The following FAM178B variants were observed in gnomAD, a reference collection of about 807,000 sequenced individuals.
FAM178B encodes protein FAM178B.
FAM178B carries 82 observed loss-of-function variants against 91.7 expected under a neutral mutation model. That is an observed-to-expected ratio of 0.89 (90% CI 0.75 to 1.07). The LOEUF is 1.07. Ranked by LOEUF, FAM178B falls within the 50% of genes least tolerant of loss-of-function variation. FAM178B has a pLI of 0.00. For missense variants in FAM178B, 769 were observed against 846.7 expected (o/e 0.91, Z 1.14); for synonymous variants, 368 against 359.4 (o/e 1.02, Z -0.27).
chr2:96,916,688 T>C (rs2153370464), intron 12 of FAM178B, among the ~76,000 whole-genome samples: 1 of 152,322 alleles, frequency 6.6e-6, no homozygotes, highest in South Asian at 2.1e-4. Flanking sequence ...TCTGCCTTAG[T>C]ATTCACTTTC....
In FAM178B at chr2:96,978,975, T is replaced by TCTTTTTTTTTTTTTTTTTTTTTTTA. The variant is rs70964893; in HGVS notation, c.74-6370_74-6369insTAAAAAAAAAAAAAAAAAAAAAAAG. Among the ~76,000 whole-genome samples the TCTTTTTTTTTTTTTTTTTTTTTTTA allele has an allele frequency of 2.2e-5, 2 of 91,400 alleles. 1 individual carries two copies. The highest frequency in any genetic ancestry group is 3.4e-5 in the Non-Finnish European group (2 of 59,166). The allele number at this position is 91,400 out of a possible 152,430, so 60.0% of individuals were successfully genotyped here. A position where few individuals can be genotyped will look rare whatever the true frequency, so the allele number is the denominator to read the frequency against. ...TAGTATTCTATGGTGTATGTATCAC[T>TCTTTTTTTTTTTTTTTTTTTTTTTA]TTTTTTTTTTTTTTTTTTTTGAAAC... is the stretch of plus-strand genomic sequence containing the variant. On this transcript the variant is annotated intron_variant, in intron 1 of 16. Transcript: ENST00000490605.
intron 13 of FAM178B, among the ~76,000 whole-genome samples, chr2:96,899,221 C>A (rs1170788255): frequency 6.6e-6 from 1 of 152,202 alleles, no homozygotes; most frequent in Non-Finnish European, 1.5e-5. Flanking sequence ...TTTTGCAGTA[C>A]AAGCACTGAC....
intron 12 of FAM178B, among the ~76,000 whole-genome samples, chr2:96,907,266 G>A (rs888972568): frequency 4.6e-5 from 7 of 152,136 alleles, no homozygotes; most frequent in African/African-American, 9.7e-5. Context: ...GGGGCGGGGC[G>A]AGACCATTTT....
At chr2:96,981,437 T>C (rs949694048) in intron 1 of FAM178B, among the ~76,000 whole-genome samples, 5 of 152,196 alleles carry the variant, frequency 3.3e-5, no homozygotes, top group African/African-American at 1.2e-4. Context: ...TTAACTTTAA[T>C]GTAGCCCAAT....
chr2:96,888,518 C>A (rs1478472994), intron 14 of FAM178B, among the ~76,000 whole-genome samples: 1 of 152,228 alleles, frequency 6.6e-6, no homozygotes, highest in African/African-American at 2.4e-5. Context: ...AGGGCAGAGG[C>A]AAGCACACAG....
At chr2:96,914,782 C>T (rs1236523984) in intron 12 of FAM178B, among the ~76,000 whole-genome samples, 2 of 151,854 alleles carry the variant, frequency 1.3e-5, no homozygotes, top group South Asian at 4.2e-4. Context: ...CCCAGCTACT[C>T]GGGAGGCTGA....
intron 12 of FAM178B, among the ~76,000 whole-genome samples, chr2:96,907,228 C>T (rs2081073714): frequency 6.6e-6 from 1 of 152,164 alleles, no homozygotes; most frequent in Admixed American, 6.5e-5. Context: ...TTCTTAGTTC[C>T]CACTGGGACA....
intron 8 of FAM178B, among the ~76,000 whole-genome samples, chr2:96,935,185 CA>C (rs2081604395): frequency 6.6e-6 from 1 of 152,120 alleles, no homozygotes; most frequent in African/African-American, 2.4e-5. Flanking sequence ...CAAACAAAAA[CA>C]AAAACAAAAG....
intron 12 of FAM178B, among the ~76,000 whole-genome samples, chr2:96,915,881 C>G (rs1057103913): frequency 1.3e-5 from 2 of 152,132 alleles, no homozygotes; most frequent in African/African-American, 4.8e-5. Flanking sequence ...CTATTAACCT[C>G]ACACCCAAAG....
rs760078444 is a variant in FAM178B at position 96,923,479 on chromosome 2, G to C, written c.1287+11C>G. 4.5e-6 allele frequency: 7 copies of C among 1,548,414 alleles called. No individual in the cohort carries two copies. ...GAGAGTGCCCTGCATGAGGCAGGCG[G>C]CTTGACTCACCTTGTAGATGTGGCC... is the stretch of plus-strand genomic sequence containing the variant. On this transcript the variant is annotated intron_variant, in intron 10 of 16. Transcript: ENST00000490605.
At chr2:96,915,400 G>T (rs1040750933) in intron 12 of FAM178B, among the ~76,000 whole-genome samples, 1 of 151,500 alleles carries the variant, frequency 6.6e-6, no homozygotes, top group Non-Finnish European at 1.5e-5. Flanking sequence ...TTACAGGTGT[G>T]AGCCACCGCA....
chr2:96,971,326 C>G (rs948765267), intron 3 of FAM178B, among the ~76,000 whole-genome samples: 1 of 150,324 alleles, frequency 6.7e-6, no homozygotes, highest in African/African-American at 2.5e-5. Context: ...CTCTGTCCCC[C>G]TCTCCCTTGT....
At chr2:96,928,683 G>A (rs747988658) in intron 9 of FAM178B, among the ~76,000 whole-genome samples, 2 of 152,190 alleles carry the variant, frequency 1.3e-5, no homozygotes, top group Non-Finnish European at 2.9e-5. Context: ...GCTGAGTCAG[G>A]AAGTGCCAAA....
At chr2:96,919,418 G>A (rs1237326717) in intron 12 of FAM178B, among the ~76,000 whole-genome samples, 1 of 152,206 alleles carries the variant, frequency 6.6e-6, no homozygotes, top group Non-Finnish European at 1.5e-5. Context: ...TGGAGAAGAG[G>A]AAGAAATGCC....
intron 12 of FAM178B, among the ~76,000 whole-genome samples, chr2:96,908,223 C>T (rs570505636): frequency 2.0e-5 from 3 of 152,192 alleles, no homozygotes; most frequent in Admixed American, 6.5e-5. Flanking sequence ...CGGGAATAGA[C>T]GGCGGGACAC....
rs1157759196 is a variant in FAM178B, at chr2:96,986,305, TGGCCACATAGGGCGGGAAGG to T, written c.-12_8del. ...GAGCGAGGCCCGCACCTGGAAGCCT[TGGCCACATAGGGCGGGAAGG>T]GCAGGGCTCCGGGGTGAGGGAGGGT... On this transcript the variant is annotated start_lost and 5_prime_UTR_variant, in exon 1 of 17. Coordinates refer to ENST00000490605, the MANE Select transcript of FAM178B (RefSeq NM_001122646.3). 6.5e-7 allele frequency: 1 copy of T among 1,534,184 alleles called. No homozygotes were observed. Among genetic ancestry groups the T allele is most frequent in the Admixed American group, 2.0e-5 (1 of 50,984 alleles).
chr2:96,904,572 TTAGCAGAGACGGGGTTTCAC>T (rs1436617435), intron 12 of FAM178B, among the ~76,000 whole-genome samples: 7 of 150,278 alleles, frequency 4.7e-5, no homozygotes, highest in Non-Finnish European at 1.0e-4. Flanking sequence ...TTTTGTATTT[TTAGCAGAGACGGGGTTTCAC>T]CATGTCAGCC....
intron 8 of FAM178B, among the ~76,000 whole-genome samples, 197 bp from the exon 9 acceptor site, chr2:96,929,517 T>A (rs2081505133): frequency 6.6e-6 from 1 of 152,202 alleles, no homozygotes; most frequent in Non-Finnish European, 1.5e-5. Flanking sequence ...ATTTCAATGT[T>A]TTCTTGAATA....
intron 1 of FAM178B, among the ~76,000 whole-genome samples, chr2:96,984,072 C>G (rs145052439): frequency 4.6e-5 from 7 of 152,032 alleles, no homozygotes; most frequent in Non-Finnish European, 8.8e-5. Flanking sequence ...CGGGTTCAAG[C>G]GATTCTCCTG....
Sources: allele counts gnomAD v4.1 joint callset (sites outside exome capture counted in the v4.1 genomes callset), GRCh38; gene constraint gnomAD v4.1.1; transcripts MANE v1.5; gene names NCBI Gene and HGNC (gene_info 2026-07-23, HGNC 2026-07-21).